ABTB3: variants seen among roughly 807,000 people sequenced by gnomAD.
The protein encoded by ABTB3 is ankyrin repeat and BTB domain containing 3, also known as ankyrin repeat- and BTB/POZ domain-containing protein 3.
the ABTB3 span, among the ~76,000 whole-genome samples, chr12:107,421,357 T>C: frequency 2.0e-5 from 3 of 152,182 alleles, no homozygotes; most frequent in Non-Finnish European, 4.4e-5. Context: ...CACGTGGACT[T>C]CTCTGCTGGG....
the ABTB3 span, among the ~76,000 whole-genome samples, chr12:107,332,003 G>A: frequency 1.3e-5 from 2 of 152,240 alleles, no homozygotes; most frequent in Non-Finnish European, 2.9e-5. Flanking sequence ...CAGACCAAGA[G>A]TGAGCTGGCA....
the ABTB3 span, among the ~76,000 whole-genome samples, chr12:107,630,782 A>T: frequency 2.1e-3 from 324 of 152,202 alleles, no homozygotes; most frequent in Non-Finnish European, 3.8e-3. Context: ...TCTACAGAAA[A>T]ATTGAGAAGA....
the ABTB3 span, chr12:107,657,589 A>G: frequency 5.0e-6 from 8 of 1,614,206 alleles, no homozygotes; most frequent in South Asian, 8.8e-5. Context: ...AAAACGAAGC[A>G]TTCAAGCAGC....
the ABTB3 span, among the ~76,000 whole-genome samples, chr12:107,614,775 G>A: frequency 1.3e-5 from 2 of 152,150 alleles, no homozygotes; most frequent in Non-Finnish European, 2.9e-5. Context: ...TGCCTTCAAG[G>A]GTAAAATCTC....
the ABTB3 span, among the ~76,000 whole-genome samples, chr12:107,390,743 GAT>G: frequency 6.6e-6 from 1 of 152,208 alleles, no homozygotes; most frequent in Admixed American, 6.5e-5. Context: ...TTTAAAAAAT[GAT>G]TGAAAAGAAA....
the ABTB3 span, among the ~76,000 whole-genome samples, chr12:107,507,209 C>T: frequency 6.6e-6 from 1 of 152,020 alleles, no homozygotes; most frequent in Non-Finnish European, 1.5e-5. Context: ...CCTGGTCAGC[C>T]ACCCCTAAGG....
the ABTB3 span, among the ~76,000 whole-genome samples, chr12:107,630,818 C>G: frequency 2.0e-5 from 3 of 152,140 alleles, no homozygotes; most frequent in Non-Finnish European, 4.4e-5. Flanking sequence ...CCATATACCC[C>G]CTCACTCACT....
the ABTB3 span, among the ~76,000 whole-genome samples, chr12:107,362,221 G>C: frequency 6.6e-6 from 1 of 152,248 alleles, no homozygotes; most frequent in African/African-American, 2.4e-5. Flanking sequence ...CTACTCATGA[G>C]CTGTGCTAGG....
chr12:107,573,581 G>A, the ABTB3 span, among the ~76,000 whole-genome samples: 2,584 of 152,194 alleles, frequency 0.017, 72 homozygotes, highest in African/African-American at 0.057. Flanking sequence ...TATATTACTG[G>A]TTTTGTTTCT....
At chr12:107,549,872 C>G in the ABTB3 span, among the ~76,000 whole-genome samples, 28 of 152,196 alleles carry the variant, frequency 1.8e-4, 1 homozygote, top group Admixed American at 1.4e-3. Flanking sequence ...TTTGAAGAGG[C>G]CTTGGAAGCT....
chr12:107,643,796 C>T, the ABTB3 span, among the ~76,000 whole-genome samples: 3 of 135,632 alleles, frequency 2.2e-5, no homozygotes, highest in African/African-American at 8.6e-5. Context: ...GAGGGTCTGG[C>T]TCTGTTGTCC....
the ABTB3 span, among the ~76,000 whole-genome samples, chr12:107,407,280 C>T: frequency 6.6e-6 from 1 of 152,196 alleles, no homozygotes; most frequent in South Asian, 2.1e-4. Context: ...TGCTGTTTCT[C>T]CTCTCCTGTA....
chr12:107,363,251 T>A, the ABTB3 span, among the ~76,000 whole-genome samples: 22 of 152,326 alleles, frequency 1.4e-4, no homozygotes, highest in African/African-American at 5.3e-4. Flanking sequence ...TAAATTACCA[T>A]GAGCAGCAAT....
chr12:107,478,805 G>A, the ABTB3 span, among the ~76,000 whole-genome samples: 2 of 151,958 alleles, frequency 1.3e-5, no homozygotes, highest in Non-Finnish European at 2.9e-5. Flanking sequence ...TCCTTGCCCT[G>A]AATGAGAAGG....
chr12:107,461,180 A>T, the ABTB3 span, among the ~76,000 whole-genome samples: 1 of 152,156 alleles, frequency 6.6e-6, no homozygotes, highest in African/African-American at 2.4e-5. Flanking sequence ...CGAGAACAGT[A>T]TGGGCGAACC....
the ABTB3 span, among the ~76,000 whole-genome samples, chr12:107,430,571 A>G: frequency 6.6e-6 from 1 of 152,152 alleles, no homozygotes; most frequent in Non-Finnish European, 1.5e-5. Flanking sequence ...GTTGTCTTTC[A>G]TTTATCCATC....
chr12:107,652,841 G>C, the ABTB3 span, among the ~76,000 whole-genome samples: 2 of 152,172 alleles, frequency 1.3e-5, no homozygotes, highest in Non-Finnish European at 2.9e-5. Context: ...AGCACAGGGG[G>C]GATTAACAGT....
At chr12:107,617,531 G>C in the ABTB3 span, 2 of 1,491,864 alleles carry the variant, frequency 1.3e-6, no homozygotes, top group Non-Finnish European at 1.8e-6. Context: ...CTCTCTGGAT[G>C]TGGGGCCCAG....
chr12:107,411,359 C>T, the ABTB3 span, among the ~76,000 whole-genome samples: 1 of 152,196 alleles, frequency 6.6e-6, no homozygotes, highest in African/African-American at 2.4e-5. Flanking sequence ...AATTCAATTG[C>T]TTGGCTGCCT....
Sources: allele counts gnomAD v4.1 joint callset (sites outside exome capture counted in the v4.1 genomes callset), GRCh38; gene constraint gnomAD v4.1.1; transcripts MANE v1.5; gene names NCBI Gene and HGNC (gene_info 2026-07-23, HGNC 2026-07-21).